Variants in GOLGA1 observed in about 807,000 individuals in gnomAD.
The protein encoded by GOLGA1 is golgin A1.
In GOLGA1, 63 loss-of-function variants were observed where a neutral mutation model predicts 119.7. The observed-to-expected ratio is 0.53, with a 90% CI of 0.43 to 0.65. The LOEUF (loss-of-function observed/expected upper bound fraction) is 0.65. GOLGA1 is among the 30% of genes least tolerant of loss of function. GOLGA1 has a pLI of 0.00. For missense variants in GOLGA1, 798 were observed against 912.8 expected, an observed-to-expected ratio of 0.87 and a Z score of 1.62; for synonymous variants, 318 against 333.4, an observed-to-expected ratio of 0.95 and a Z score of 0.50.
intron 15 of GOLGA1, among the ~76,000 whole-genome samples, chr9:124,892,975 A>G (rs541535752): frequency 2.6e-5 from 4 of 152,182 alleles, no homozygotes; most frequent in South Asian, 4.1e-4. Flanking sequence ...ATGTAAACAT[A>G]TAAGAGTTTT....
intron 12 of GOLGA1, among the ~76,000 whole-genome samples, chr9:124,901,203 C>A (rs912888526): frequency 2.6e-5 from 4 of 151,726 alleles, no homozygotes; most frequent in Non-Finnish European, 5.9e-5. Flanking sequence ...GATCTCCTGA[C>A]CTCGTGATCC....
intron 8 of GOLGA1, among the ~76,000 whole-genome samples, chr9:124,922,853 G>C (rs1379133834): frequency 6.6e-6 from 1 of 151,178 alleles, no homozygotes; most frequent in African/African-American, 2.4e-5. Context: ...TATATACCCA[G>C]TAGTTAAAAA....
chr9:124,908,599 G>A (rs937775993), intron 11 of GOLGA1, 127 bp from the exon 12 acceptor site: 3 of 651,924 alleles, frequency 4.6e-6, no homozygotes, highest in Non-Finnish European at 8.4e-6. Context: ...TAATAATTCA[G>A]CTAATTGAGA....
intron 3 of GOLGA1, among the ~76,000 whole-genome samples, chr9:124,936,001 G>T (rs1033389544): frequency 6.6e-6 from 1 of 152,126 alleles, no homozygotes; most frequent in African/African-American, 2.4e-5. Flanking sequence ...GGATATAAGG[G>T]TCTGGAGATA....
At position 124,899,874 on chromosome 9, in the gene GOLGA1, A is replaced by G. The variant is rs374652692; in HGVS notation, c.1162-396T>C. 6.8e-3 allele frequency among the ~76,000 whole-genome samples: 1,037 copies of G among 152,308 alleles called. 15 individuals carry two copies. Among genetic ancestry groups the G allele is most frequent in the African/African-American group, 0.022 (934 of 41,558 alleles). On this transcript the variant is annotated intron_variant, in intron 13 of 22. Coordinates refer to ENST00000373555, the MANE Select transcript of GOLGA1 (RefSeq NM_002077.4). ...ACAGGAGAAAGATGTGGATTCTGCCATTTACTGGCTGCGAGCCTGTGGGCT... is the reference window on the plus strand; with the variant it reads ...ACAGGAGAAAGATGTGGATTCTGCCGTTTACTGGCTGCGAGCCTGTGGGCT...
chr9:124,899,564 T>A, intron 13 of GOLGA1, 86 bp from the exon 14 acceptor site: 6 of 1,270,824 alleles, frequency 4.7e-6, no homozygotes, highest in Non-Finnish European at 6.6e-6. Flanking sequence ...AGAAGATGAG[T>A]ATCCAACAGA....
At chr9:124,930,135 T>C (rs925801070) in intron 4 of GOLGA1, among the ~76,000 whole-genome samples, 5 of 152,198 alleles carry the variant, frequency 3.3e-5, no homozygotes, top group Admixed American at 6.5e-5. Flanking sequence ...AGGACAATAC[T>C]CACCACATAG....
At chr9:124,886,349 G>A (rs1829720226) in intron 19 of GOLGA1, among the ~76,000 whole-genome samples, 1 of 152,216 alleles carries the variant, frequency 6.6e-6, no homozygotes, top group African/African-American at 2.4e-5. Context: ...AGACGGAGAA[G>A]GAGCAGGCCA....
intron 3 of GOLGA1, among the ~76,000 whole-genome samples, chr9:124,936,241 G>A (rs1588099395): frequency 6.6e-6 from 1 of 152,102 alleles, no homozygotes; most frequent in Admixed American, 6.5e-5. Context: ...TTAAATATAG[G>A]AGCCAGTGAT....
intron 15 of GOLGA1, among the ~76,000 whole-genome samples, chr9:124,896,538 C>T (rs977961307): frequency 2.0e-5 from 3 of 152,234 alleles, no homozygotes; most frequent in Admixed American, 1.3e-4. Flanking sequence ...AAAAAGTCTC[C>T]TAAACAGTCT....
intron 11 of GOLGA1, among the ~76,000 whole-genome samples, chr9:124,911,111 T>TA (rs1209439035): frequency 6.6e-6 from 1 of 152,176 alleles, no homozygotes; most frequent in East Asian, 1.9e-4. Flanking sequence ...AAGAGAGTGA[T>TA]ATGGTCACCA....
At chr9:124,939,560 T>C (rs1336393676) in intron 2 of GOLGA1, among the ~76,000 whole-genome samples, 50 of 125,594 alleles carry the variant, frequency 4.0e-4, no homozygotes, top group Admixed American at 1.1e-3. Context: ...CTTTTTTTTT[T>C]TTTTTTTTTT....
chr9:124,896,367 C>T (rs1366040788), intron 15 of GOLGA1, among the ~76,000 whole-genome samples: 5 of 152,216 alleles, frequency 3.3e-5, no homozygotes, highest in South Asian at 2.1e-4. Flanking sequence ...AGGCCAAGAT[C>T]GTTCCACTAC....
At chr9:124,932,066 T>C (rs1232717340) in intron 3 of GOLGA1, among the ~76,000 whole-genome samples, 1 of 152,220 alleles carries the variant, frequency 6.6e-6, no homozygotes, top group East Asian at 1.9e-4. Flanking sequence ...TTTCAAAATA[T>C]AGAAAGGGAG....
chr9:124,933,023 C>G (rs1231505727), intron 3 of GOLGA1, among the ~76,000 whole-genome samples: 1 of 151,974 alleles, frequency 6.6e-6, no homozygotes, highest in Non-Finnish European at 1.5e-5. Context: ...ACACCACTAG[C>G]AGTATAAGAA....
intron 12 of GOLGA1, among the ~76,000 whole-genome samples, chr9:124,903,439 C>T (rs1000921576): frequency 2.6e-5 from 4 of 151,804 alleles, no homozygotes; most frequent in African/African-American, 9.7e-5. Flanking sequence ...GATCGCACCA[C>T]TGCACTCCAG....
At chr9:124,935,862 G>T (rs374776233) in intron 3 of GOLGA1, among the ~76,000 whole-genome samples, 1 of 152,026 alleles carries the variant, frequency 6.6e-6, no homozygotes, top group African/African-American at 2.4e-5. Flanking sequence ...AATACCTCCA[G>T]GGTTTCTGGC....
intron 7 of GOLGA1, 98 bp downstream of exon 7, chr9:124,926,611 G>T: frequency 1.2e-6 from 1 of 803,538 alleles, no homozygotes; most frequent in Non-Finnish European, 2.3e-6. Flanking sequence ...CTTCCAAGAG[G>T]TGGTATAGCA....
At chr9:124,882,435 G>A (rs1829610815) in intron 20 of GOLGA1, 75 bp downstream of exon 20, 3 of 1,073,170 alleles carry the variant, frequency 2.8e-6, no homozygotes, top group Admixed American at 3.7e-5. Flanking sequence ...AGGCGGCGAG[G>A]GACCTCAGGA....
Sources: gnomAD v4.1 joint callset for allele counts (sites outside exome capture counted in the v4.1 genomes callset) on GRCh38, gnomAD v4.1.1 for gene constraint, MANE v1.5 for transcripts, NCBI Gene and HGNC (gene_info 2026-07-23, HGNC 2026-07-21) for gene names.